EGLN3: variants seen among roughly 807,000 people sequenced by gnomAD.
EGLN3 encodes the protein prolyl hydroxylase EGLN3.
In EGLN3, 15 loss-of-function variants were observed where a neutral mutation model predicts 26.0. The ratio of observed to expected loss-of-function variants is 0.58; its 90% CI spans 0.39 to 0.89. The LOEUF (loss-of-function observed/expected upper bound fraction) is 0.89. EGLN3 is among the 40% of genes least tolerant of loss of function. The pLI is 0.00. For synonymous variants in EGLN3, 147 were observed against 127.2 expected, an observed-to-expected ratio of 1.16 and a Z score of -1.05; for missense variants, 238 against 311.6, an observed-to-expected ratio of 0.76 and a Z score of 1.78.
chr14:33,926,577 A>G (rs2064364042), intron 4 of EGLN3, among the ~76,000 whole-genome samples: 1 of 152,202 alleles, frequency 6.6e-6, no homozygotes, highest in African/African-American at 2.4e-5. Context: ...TGTTATACTG[A>G]GAGTCACAGT....
At chr14:33,937,030 T>C (rs759181516) in intron 1 of EGLN3, among the ~76,000 whole-genome samples, 8 of 152,234 alleles carry the variant, frequency 5.3e-5, no homozygotes, top group Non-Finnish European at 1.2e-4. Flanking sequence ...TTTTGTGGGA[T>C]CTACTGTTGT....
At chr14:33,940,474 G>A (rs745707226) in intron 1 of EGLN3, among the ~76,000 whole-genome samples, 3 of 151,846 alleles carry the variant, frequency 2.0e-5, no homozygotes, top group Non-Finnish European at 4.4e-5. Flanking sequence ...AGGAAGATAC[G>A]CCACCATCCC....
intron 2 of EGLN3, 106 bp downstream of exon 2, chr14:33,930,989 TG>T: frequency 6.9e-7 from 1 of 1,455,280 alleles, no homozygotes; most frequent in African/African-American, 1.4e-5. Context: ...GTTTCATCAG[TG>T]GGAGATACGG....
intron 1 of EGLN3, among the ~76,000 whole-genome samples, chr14:33,937,762 C>A (rs1434060133): frequency 6.6e-6 from 1 of 152,170 alleles, no homozygotes; most frequent in African/African-American, 2.4e-5. Context: ...TACACATGAC[C>A]TCTCTCCCAA....
At chr14:33,938,523 A>C (rs1594380848) in intron 1 of EGLN3, among the ~76,000 whole-genome samples, 1 of 152,052 alleles carries the variant, frequency 6.6e-6, no homozygotes, top group Non-Finnish European at 1.5e-5. Flanking sequence ...GCCAGCCCAC[A>C]CCCGAGCACA....
At position 33,950,735 on chromosome 14, in the gene EGLN3, G is replaced by T; in HGVS notation, c.18C>A (p.Ile6=). 6.2e-7 allele frequency: 1 copy of T among 1,613,076 alleles called. No homozygotes were observed. Among genetic ancestry groups the T allele is most frequent in the Non-Finnish European group, 8.5e-7 (1 of 1,179,370 alleles). Residue 6 remains isoleucine (I), a synonymous_variant, in exon 1 of 5, where the codon ATC becomes ATA. Coordinates refer to ENST00000250457, the MANE Select transcript of EGLN3 (RefSeq NM_022073.4). The stretch of plus-strand genomic sequence containing the variant: ...CAATTTTCTCCAGGTCCAGCCTCAT[G>T]ATGTGTCCCAGGGGCATCTCGCCCG... The part of the protein sequence containing the change: MPLGH[I]MRLDLEKIAL...
chr14:33,927,318 G>A (rs1680707), intron 3 of EGLN3, among the ~76,000 whole-genome samples: 57,520 of 151,550 alleles, frequency 0.38, 11,309 homozygotes, highest in Non-Finnish European at 0.44. Context: ...ACAGGTGCAC[G>A]CTACCACACC....
At chr14:33,935,572 G>A (rs2064435011) in intron 1 of EGLN3, among the ~76,000 whole-genome samples, 1 of 144,810 alleles carries the variant, frequency 6.9e-6, no homozygotes, top group Non-Finnish European at 1.5e-5. Context: ...TTTTTAATCA[G>A]GGCTATAAAT....
At chr14:33,932,085 G>C (rs2064408865) in intron 1 of EGLN3, among the ~76,000 whole-genome samples, 1 of 152,164 alleles carries the variant, frequency 6.6e-6, no homozygotes, top group Non-Finnish European at 1.5e-5. Context: ...TTCTTCACAG[G>C]ATACCGCCAT....
chr14:33,950,149 A>G, intron 1 of EGLN3: 1 of 595,498 alleles, frequency 1.7e-6, no homozygotes, highest in Non-Finnish European at 3.0e-6. Context: ...TGTCACCCAC[A>G]AGAGCCAATA....
At chr14:33,931,298 C>T in intron 1 of EGLN3, 83 bp from the exon 2 acceptor site, 1 of 1,592,372 alleles carries the variant, frequency 6.3e-7, no homozygotes, top group Non-Finnish European at 8.6e-7. Context: ...ATAAGTAACA[C>T]AGTCTCCTTG....
intron 2 of EGLN3, among the ~76,000 whole-genome samples, chr14:33,929,642 A>G (rs573086281): frequency 2.7e-4 from 41 of 152,286 alleles, no homozygotes; most frequent in African/African-American, 3.9e-4. Context: ...ATGAGCCACC[A>G]CGCCCAGCCA....
At position 33,950,760 on chromosome 14, in the gene EGLN3, G is replaced by T. The variant is rs763252948; in HGVS notation, c.-8C>A. ...GATGTGTCCCAGGGGCATCTCGCCC[G>T]CAGAATCGAGGTCCGGGATCCCCAG... On this transcript the variant is annotated 5_prime_UTR_variant, in exon 1 of 5. Transcript: ENST00000250457. 1 of 1,593,014 alleles carries T rather than the reference G, an allele frequency of 6.3e-7. No homozygotes were observed. The highest frequency in any genetic ancestry group is 1.3e-5 in the African/African-American group (1 of 74,614).
chr14:33,931,230 CA>C lies in EGLN3; in HGVS notation c.358-16del. ...GCCACCATTGCCTATGGAGAAATCC[CA>C]AGAAAGCTGGTTAACAAAGCTGAGA... On this transcript the variant is annotated splice_polypyrimidine_tract_variant and intron_variant, in intron 1 of 4. Transcript: ENST00000250457. 1 of 1,614,046 alleles carries C rather than the reference CA, an allele frequency of 6.2e-7. No homozygotes were observed. Among genetic ancestry groups the C allele is most frequent in the South Asian group, 1.1e-5 (1 of 91,042 alleles).
rs1034598288 is a variant in EGLN3, at chr14:33,950,859, A to G, written c.-107T>C. ...GGGGAGCGTGGCCCGGGGTTCAGAA[A>G]CCTGCGGCTGCCACGGTACCCGAGC... On this transcript the variant is annotated 5_prime_UTR_variant, in exon 1 of 5. Transcript: ENST00000250457. The G allele has an allele frequency of 2.0e-6, 2 of 1,001,556 alleles. No individual in the cohort carries two copies. The highest frequency in any genetic ancestry group is 3.2e-5 in the African/African-American group (2 of 61,854). 62.0% of individuals were successfully genotyped at this position (1,001,556 alleles called of 1,614,324 possible).
intron 3 of EGLN3, among the ~76,000 whole-genome samples, chr14:33,927,310 A>G (rs2064369402): frequency 6.6e-6 from 1 of 151,952 alleles, no homozygotes; most frequent in Non-Finnish European, 1.5e-5. Flanking sequence ...CTGGGACTAC[A>G]GGTGCACGCT....
intron 2 of EGLN3, 145 bp from the exon 3 acceptor site, chr14:33,929,357 T>C (rs1355425720): frequency 3.9e-6 from 4 of 1,022,566 alleles, no homozygotes; most frequent in Non-Finnish European, 5.6e-6. Context: ...AACCTCATAG[T>C]TTGTACCAAT....
rs182911951 is a variant in EGLN3 at position 33,945,823 on chromosome 14, T to C, written c.357+4573A>G. Among the ~76,000 whole-genome samples, 30 of 152,336 alleles carry C rather than the reference T, an allele frequency of 2.0e-4. No individual in the cohort carries two copies. In the East Asian group the frequency reaches 4.8e-3, roughly 24 times the overall value. ...AGTTTGCAACCATGATAAGCTCCAT[T>C]AAATAATGTATATTCCTGACCTCAC... On this transcript the variant is annotated intron_variant, in intron 1 of 4. Transcript: ENST00000250457.
intron 1 of EGLN3, chr14:33,948,636 AT>A (rs888559191): frequency 1.3e-5 from 2 of 152,170 alleles, no homozygotes; most frequent in Non-Finnish European, 2.9e-5. Flanking sequence ...TTTTCCTTCC[AT>A]TTGAGTTAAA....
Sources: gnomAD v4.1 joint callset for allele counts (sites outside exome capture counted in the v4.1 genomes callset) on GRCh38, gnomAD v4.1.1 for gene constraint, MANE v1.5 for transcripts, NCBI Gene and HGNC (gene_info 2026-07-23, HGNC 2026-07-21) for gene names.